Variants in DAPK1 observed in about 807,000 individuals in gnomAD.
DAPK1 encodes death-associated protein kinase 1.
In DAPK1, 56 loss-of-function variants were observed where a neutral mutation model predicts 144.9. That is an observed-to-expected ratio of 0.39 (90% CI 0.31 to 0.48). The LOEUF (loss-of-function observed/expected upper bound fraction) is 0.48, where lower values mean the gene tolerates loss of function less well. Among genes scored for constraint, DAPK1 ranks in the 20% least tolerant of loss-of-function variants. The probability of loss-of-function intolerance (pLI) is 0.95; values close to 1 mark genes in which losing one functional copy is unlikely to be tolerated. For synonymous variants in DAPK1, 690 were observed against 749.0 expected (o/e 0.92, Z 1.29); for missense variants, 1,454 against 1,875.4 (o/e 0.78, Z 4.15).
At chr9:87,687,165 A>C (rs1372909305) in intron 21 of DAPK1, among the ~76,000 whole-genome samples, 2 of 152,142 alleles carry the variant, frequency 1.3e-5, no homozygotes, top group African/African-American at 2.4e-5. Flanking sequence ...GCTATTTTGA[A>C]AAATACAACG....
At chr9:87,695,601 T>A (rs145480820) in intron 21 of DAPK1, among the ~76,000 whole-genome samples, 1 of 152,272 alleles carries the variant, frequency 6.6e-6, no homozygotes, top group African/African-American at 2.4e-5. Flanking sequence ...CTTTGACCCC[T>A]GCTTGACACT....
intron 2 of DAPK1, among the ~76,000 whole-genome samples, chr9:87,540,255 T>C (rs1422963644): frequency 3.7e-5 from 5 of 136,266 alleles, no homozygotes; most frequent in Admixed American, 1.6e-4. Context: ...AGTGGCACCA[T>C]CTCAGTTCAC....
chr9:87,550,400 T>C (rs1826432396), intron 2 of DAPK1, among the ~76,000 whole-genome samples: 1 of 152,268 alleles, frequency 6.6e-6, no homozygotes, highest in Non-Finnish European at 1.5e-5. Flanking sequence ...CCTCACAGTT[T>C]GGGAAGCTGG....
intron 2 of DAPK1, among the ~76,000 whole-genome samples, chr9:87,562,928 T>C (rs1359250544): frequency 6.6e-6 from 1 of 152,246 alleles, no homozygotes; most frequent in East Asian, 1.9e-4. Flanking sequence ...AGCTTTTTTA[T>C]AGAACCTCAA....
At chr9:87,673,420 T>C (rs1328316399) in intron 19 of DAPK1, among the ~76,000 whole-genome samples, 2 of 152,226 alleles carry the variant, frequency 1.3e-5, no homozygotes, top group African/African-American at 4.8e-5. Flanking sequence ...GTCTTTAAAC[T>C]ATATTTGCTA....
chr9:87,509,468 C>A (rs1824748183), intron 2 of DAPK1, among the ~76,000 whole-genome samples: 1 of 152,148 alleles, frequency 6.6e-6, no homozygotes. Context: ...TCAAGCGATT[C>A]TCCTGCCTCA....
chr9:87,605,619 C>T (rs1828689842), intron 3 of DAPK1, among the ~76,000 whole-genome samples: 1 of 151,870 alleles, frequency 6.6e-6, no homozygotes, highest in Non-Finnish European at 1.5e-5. Context: ...ATGCACGAAC[C>T]CCATTTTTAA....
At chr9:87,575,076 C>T (rs1165101031) in intron 2 of DAPK1, among the ~76,000 whole-genome samples, 2 of 151,598 alleles carry the variant, frequency 1.3e-5, no homozygotes, top group Non-Finnish European at 2.9e-5. Flanking sequence ...AAAAATTAGC[C>T]AGGCGTAGTG....
At chr9:87,603,152 C>T (rs985480012) in intron 2 of DAPK1, among the ~76,000 whole-genome samples, 1 of 152,018 alleles carries the variant, frequency 6.6e-6, no homozygotes, top group Admixed American at 6.6e-5. Flanking sequence ...GGTGGGGACA[C>T]AATAACATCT....
chr9:87,660,057 C>A (rs1343395735), intron 18 of DAPK1, among the ~76,000 whole-genome samples: 1 of 152,154 alleles, frequency 6.6e-6, no homozygotes, highest in South Asian at 2.1e-4. Flanking sequence ...ATTGCTGGAA[C>A]CTGCAGGCCA....
chr9:87,499,916 G>A (rs757075695), intron 2 of DAPK1, among the ~76,000 whole-genome samples: 2 of 152,132 alleles, frequency 1.3e-5, no homozygotes, highest in Non-Finnish European at 2.9e-5. Context: ...GTCAACTTTA[G>A]TAGAAAACCT....
intron 18 of DAPK1, among the ~76,000 whole-genome samples, chr9:87,666,665 G>A (rs564700164): frequency 9.9e-5 from 15 of 151,906 alleles, no homozygotes; most frequent in Admixed American, 8.5e-4. Flanking sequence ...GTAAAGACGG[G>A]GTTTCACCAT....
intron 3 of DAPK1, among the ~76,000 whole-genome samples, chr9:87,619,887 A>G (rs1481039028): frequency 6.6e-6 from 1 of 152,196 alleles, no homozygotes; most frequent in Admixed American, 6.5e-5. Flanking sequence ...TTCTGCAAAG[A>G]AGGAAAGAAA....
chr9:87,566,020 CTTTT>C (rs11354174), intron 2 of DAPK1, among the ~76,000 whole-genome samples: 17 of 120,622 alleles, frequency 1.4e-4, no homozygotes, highest in East Asian at 2.3e-4. Flanking sequence ...TCTCAGCATT[CTTTT>C]TTTTTTTTTT....
At chr9:87,580,354 G>T (rs919552763) in intron 2 of DAPK1, among the ~76,000 whole-genome samples, 10 of 152,094 alleles carry the variant, frequency 6.6e-5, no homozygotes, top group African/African-American at 2.4e-4. Context: ...TAATCCCTGG[G>T]ACCTGTGAAT....
At chr9:87,670,892 T>C (rs1831227827) in intron 19 of DAPK1, among the ~76,000 whole-genome samples, 1 of 152,232 alleles carries the variant, frequency 6.6e-6, no homozygotes, top group Non-Finnish European at 1.5e-5. Flanking sequence ...AGGAGGCGTC[T>C]CGTGGGCTGT....
rs36231965 is a variant in DAPK1 at position 87,548,832 on chromosome 9, T to C, written c.62+49693T>C. ...GATCTGGTTCTGTTTTGTGGGGCTA[T>C]GGACAAAATCCACCCTCCACAGTAG... On this transcript the variant is annotated intron_variant, in intron 2 of 25. Coordinates refer to ENST00000408954, the MANE Select transcript of DAPK1 (RefSeq NM_004938.4). 3.1e-3 allele frequency among the ~76,000 whole-genome samples: 466 copies of C among 150,982 alleles called. 5 individuals are homozygous for C. Among genetic ancestry groups the C allele is most frequent in the African/African-American group, 0.011 (442 of 41,272 alleles).
In DAPK1 at chr9:87,651,705, A is replaced by G. The variant is rs752641702; in HGVS notation, c.1805A>G (p.Asn602Ser). 6.2e-7 allele frequency: 1 copy of G among 1,614,022 alleles called. No homozygotes were observed. Among genetic ancestry groups the G allele is most frequent in the East Asian group, 2.2e-5 (1 of 44,890 alleles). The change falls in exon 17 of 26, where the codon AAT (asparagine) becomes AGT (serine). Residue 602 changes from asparagine to serine, a missense_variant. Transcript: ENST00000408954. ...IVVALCEANC[N>S]LDISNKYGRT... The stretch of plus-strand genomic sequence containing the variant: ...GTGGCCCTCTGTGAAGCAAACTGCA[A>G]TTTGGACATCTCCAACAAGGTATGC...
At chr9:87,513,006 C>G (rs1824908162) in intron 2 of DAPK1, among the ~76,000 whole-genome samples, 1 of 152,054 alleles carries the variant, frequency 6.6e-6, no homozygotes, top group African/African-American at 2.4e-5. Flanking sequence ...GGGTGGGTAT[C>G]TTTAGTTTGT....
Sources: allele counts gnomAD v4.1 joint callset (sites outside exome capture counted in the v4.1 genomes callset), GRCh38; gene constraint gnomAD v4.1.1; transcripts MANE v1.5; gene names NCBI Gene and HGNC (gene_info 2026-07-23, HGNC 2026-07-21).